Variants in VAV3 observed in about 807,000 individuals in gnomAD.
The protein encoded by VAV3 is vav guanine nucleotide exchange factor 3.
VAV3 carries 94 observed loss-of-function variants against 131.2 expected under a neutral mutation model. The ratio of observed to expected loss-of-function variants is 0.72; its 90% CI spans 0.61 to 0.85. VAV3 has a LOEUF of 0.85. Among genes scored for constraint, VAV3 ranks in the 40% least tolerant of loss-of-function variants. The probability of loss-of-function intolerance (pLI) is 0.00; values close to 1 mark genes in which losing one functional copy is unlikely to be tolerated. For synonymous variants in VAV3, 349 were observed against 342.0 expected (o/e 1.02, Z -0.22); for missense variants, 939 against 1,002.7 (o/e 0.94, Z 0.86).
At chr1:107,575,201 AT>A (rs1465581852) in intron 25 of VAV3, among the ~76,000 whole-genome samples, 3 of 152,136 alleles carry the variant, frequency 2.0e-5, no homozygotes, top group African/African-American at 7.2e-5. Context: ...AGTGTTTTCA[AT>A]TATATGTTCA....
intron 20 of VAV3, among the ~76,000 whole-genome samples, chr1:107,626,043 T>C (rs1176585310): frequency 6.6e-6 from 1 of 152,224 alleles, no homozygotes; most frequent in East Asian, 1.9e-4. Context: ...TAATACTTCA[T>C]TGTCTGAACT....
In VAV3 at chr1:107,603,126, C is replaced by T. The variant is rs139894223; in HGVS notation, c.2053G>A (p.Glu685Lys). ...GAMERLQAET[E>K]LINRVNSTYL... ...GTACTATTTACCCTATTAATAAGTT[C>T]GGTCTCTGCTTGCAATCTTTCCATT... Residue 685 changes from glutamate to lysine, a missense_variant, in exon 23 of 27, where the codon GAA (glutamate) becomes AAA (lysine). Glu to Lys is a moderately conservative substitution (Grantham distance 56). Transcript: ENST00000370056. 46 of 1,613,404 alleles carry T rather than the reference C, an allele frequency of 2.9e-5. No individual in the cohort carries two copies. In the East Asian group the frequency reaches 7.8e-4, roughly 27 times the overall value.
chr1:107,876,583 G>C (rs1439650258), intron 1 of VAV3, among the ~76,000 whole-genome samples: 1 of 152,056 alleles, frequency 6.6e-6, no homozygotes, highest in African/African-American at 2.4e-5. Context: ...GCTGACCTTA[G>C]AGAAGAGCAT....
At chr1:107,768,951 A>C (rs1664888134) in intron 6 of VAV3, among the ~76,000 whole-genome samples, 1 of 152,150 alleles carries the variant, frequency 6.6e-6, no homozygotes, top group Non-Finnish European at 1.5e-5. Flanking sequence ...GGCCTACCAT[A>C]TCTCTTTCAT....
At chr1:107,879,872 A>C (rs1021208401) in intron 1 of VAV3, among the ~76,000 whole-genome samples, 2 of 152,262 alleles carry the variant, frequency 1.3e-5, no homozygotes, top group Non-Finnish European at 2.9e-5. Flanking sequence ...GTAAGGATAC[A>C]CAAAAGTTTA....
At chr1:107,596,909 T>C (rs1394285799) in intron 24 of VAV3, among the ~76,000 whole-genome samples, 1 of 152,222 alleles carries the variant, frequency 6.6e-6, no homozygotes, top group Non-Finnish European at 1.5e-5. Context: ...CAGAGGTCAA[T>C]GTAATTCTTT....
Position 107,574,154 on chromosome 1 carries a change from A to G in VAV3, c.2395T>C (p.Phe799Leu). ...AACTCTCTCATATCTCTTGCACAGA[A>G]GTCATACCGAGCGATGGCAATGCCC... ...VLGIAIARYDFCARDMRELSL... is the reference protein window; with the variant it reads ...VLGIAIARYDLCARDMRELSL... Residue 799 changes from phenylalanine (F) to leucine (L), a missense_variant, in exon 26 of 27, where the codon TTC becomes CTC. Coordinates refer to ENST00000370056, the MANE Select transcript of VAV3 (RefSeq NM_006113.5). The G allele has an allele frequency of 6.2e-7, 1 of 1,614,058 alleles. No homozygotes were observed. Among genetic ancestry groups the G allele is most frequent in the Non-Finnish European group, 8.5e-7 (1 of 1,179,964 alleles).
chr1:107,585,753 C>T (rs1167695323), intron 25 of VAV3, among the ~76,000 whole-genome samples: 5 of 152,168 alleles, frequency 3.3e-5, no homozygotes, highest in African/African-American at 1.2e-4. Flanking sequence ...GGGAACAACA[C>T]ACAATCAGAG....
chr1:107,779,537 T>C, intron 2 of VAV3, 45 bp from the exon 3 acceptor site: 1 of 1,478,416 alleles, frequency 6.8e-7, no homozygotes, highest in Admixed American at 2.3e-5. Flanking sequence ...GTTCAGAAAA[T>C]ATAAGATTTC....
chr1:107,945,981 G>A (rs1674242832), intron 1 of VAV3, among the ~76,000 whole-genome samples: 2 of 152,226 alleles, frequency 1.3e-5, no homozygotes, highest in African/African-American at 4.8e-5. Flanking sequence ...TTCTGGGAAT[G>A]GCTGTTTATG....
intron 1 of VAV3, among the ~76,000 whole-genome samples, chr1:107,939,729 T>C (rs985653689): frequency 6.6e-6 from 1 of 152,112 alleles, no homozygotes; most frequent in African/African-American, 2.4e-5. Context: ...AAATCCTGAA[T>C]GCAGGATTTA....
intron 1 of VAV3, among the ~76,000 whole-genome samples, chr1:107,918,705 A>ATATTTT (rs1274987055): frequency 2.6e-5 from 2 of 76,998 alleles, no homozygotes; most frequent in African/African-American, 9.2e-5. Context: ...ATATATATAT[A>ATATTTT]TTTTTTTTTT....
At chr1:107,885,599 T>C (rs567551173) in intron 1 of VAV3, among the ~76,000 whole-genome samples, 3 of 152,292 alleles carry the variant, frequency 2.0e-5, no homozygotes, top group East Asian at 1.9e-4. Context: ...TTTACCTGCC[T>C]ACCCACCTCT....
At chr1:107,766,623 T>A in intron 7 of VAV3, 73 bp from the exon 8 acceptor site, 2 of 1,153,190 alleles carry the variant, frequency 1.7e-6, no homozygotes, top group Admixed American at 4.1e-5. Flanking sequence ...CCAGAATCCT[T>A]TTAGTTGCTA....
chr1:107,587,522 A>G (rs1468385460), intron 25 of VAV3, among the ~76,000 whole-genome samples: 1 of 152,198 alleles, frequency 6.6e-6, no homozygotes, highest in Non-Finnish European at 1.5e-5. Flanking sequence ...TGAAAGCACT[A>G]TGGTAAATTA....
rs559232011 is a variant in VAV3, at chr1:107,913,680, C to T, written c.205-38663G>A. On this transcript the variant is annotated intron_variant, in intron 1 of 26. Transcript: ENST00000370056. ...AATATTTGCATTCTCCAGCCCAATGCTGTCAATACAGTTATGCACCAACCT... is the reference window on the plus strand; with the variant it reads ...AATATTTGCATTCTCCAGCCCAATGTTGTCAATACAGTTATGCACCAACCT... 4.6e-5 allele frequency among the ~76,000 whole-genome samples: 7 copies of T among 152,336 alleles called. No homozygotes were observed. The East Asian group carries it at 1.2e-3, about 25-fold the overall frequency.
At chr1:107,668,755 G>C in intron 19 of VAV3, 1 of 983,680 alleles carries the variant, frequency 1.0e-6, no homozygotes. Flanking sequence ...AATGAATGTA[G>C]GTGTTTCAGT....
At chr1:107,871,083 G>C (rs536704921) in intron 2 of VAV3, among the ~76,000 whole-genome samples, 42 of 152,188 alleles carry the variant, frequency 2.8e-4, no homozygotes, top group South Asian at 2.1e-3. Flanking sequence ...AAACAGTTAT[G>C]GAAAATTCTT....
rs140257241 is a variant in VAV3 at position 107,876,482 on chromosome 1, G to C, written c.205-1465C>G. On this transcript the variant is annotated intron_variant, in intron 1 of 26. Coordinates refer to ENST00000370056, the MANE Select transcript of VAV3 (RefSeq NM_006113.5). ...TGATGGGAATAACCTGATAGAGAGGGGAAAGCTGGTAACAAAGCAGAGAAG... is the reference window on the plus strand; with the variant it reads ...TGATGGGAATAACCTGATAGAGAGGCGAAAGCTGGTAACAAAGCAGAGAAG... 4.3e-4 allele frequency among the ~76,000 whole-genome samples: 65 copies of C among 152,196 alleles called. No homozygotes were observed. The East Asian group carries it at 0.011, about 26-fold the overall frequency.
Sources: gnomAD v4.1 joint callset for allele counts (sites outside exome capture counted in the v4.1 genomes callset) on GRCh38, gnomAD v4.1.1 for gene constraint, MANE v1.5 for transcripts, NCBI Gene and HGNC (gene_info 2026-07-23, HGNC 2026-07-21) for gene names.